Variants in OSBPL10 observed in about 807,000 individuals in gnomAD.
The protein encoded by OSBPL10 is oxysterol binding protein like 10, also known as oxysterol-binding protein-related protein 10.
In OSBPL10, 49 loss-of-function variants were observed where a neutral mutation model predicts 81.7. The ratio of observed to expected loss-of-function variants is 0.60; its 90% confidence interval spans 0.48 to 0.76. The LOEUF (loss-of-function observed/expected upper bound fraction) is 0.76, where lower values mean the gene tolerates loss of function less well. Among genes scored for constraint, OSBPL10 ranks in the 30% least tolerant of loss-of-function variants. OSBPL10 has a pLI of 0.00. For synonymous variants in OSBPL10, 419 were observed against 383.6 expected (o/e 1.09, Z -1.08); for missense variants, 923 against 987.8 (o/e 0.93, Z 0.88).
At chr3:32,022,444 G>T (rs1000649967) in intron 2 of OSBPL10, among the ~76,000 whole-genome samples, 2 of 152,138 alleles carry the variant, frequency 1.3e-5, no homozygotes, top group Admixed American at 6.5e-5. Context: ...CTAAAAAGGT[G>T]GGACATCTTG....
At chr3:31,842,902 T>C (rs948323571) in intron 3 of OSBPL10, among the ~76,000 whole-genome samples, 7 of 152,252 alleles carry the variant, frequency 4.6e-5, no homozygotes, top group African/African-American at 1.4e-4. Flanking sequence ...CGTTCCATAA[T>C]AGAACGCTAT....
At chr3:32,024,699 G>T (rs757946974) in intron 2 of OSBPL10, among the ~76,000 whole-genome samples, 24 of 151,872 alleles carry the variant, frequency 1.6e-4, no homozygotes, top group Non-Finnish European at 2.1e-4. Context: ...TGGCCAGGCT[G>T]GTCTAGAACT....
At chr3:31,800,721 A>G (rs1389817130) in intron 4 of OSBPL10, among the ~76,000 whole-genome samples, 2 of 151,072 alleles carry the variant, frequency 1.3e-5, no homozygotes, top group Non-Finnish European at 2.9e-5. Context: ...GAAATTCAAT[A>G]TGCTATAAAA....
chr3:31,691,778 G>A (rs1559418207), intron 7 of OSBPL10, among the ~76,000 whole-genome samples: 3 of 152,056 alleles, frequency 2.0e-5, no homozygotes, highest in South Asian at 2.1e-4. Context: ...AGCCATCTTC[G>A]TATTTTATCC....
At chr3:32,003,158 C>T (rs772891655) in intron 2 of OSBPL10, among the ~76,000 whole-genome samples, 38 of 152,194 alleles carry the variant, frequency 2.5e-4, no homozygotes, top group Non-Finnish European at 4.0e-4. Context: ...GAAGGCAAAT[C>T]AACGGAATGT....
At position 31,661,896 on chromosome 3, in the gene OSBPL10, T is replaced by C. The variant is rs1397161151; in HGVS notation, c.*176A>G. 2 of 898,336 alleles carry C rather than the reference T, an allele frequency of 2.2e-6. No individual in the cohort carries two copies. Among genetic ancestry groups the C allele is most frequent in the Non-Finnish European group, 3.3e-6 (2 of 610,362 alleles). The allele number at this position is 898,336 out of a possible 1,614,324, so 55.6% of individuals were successfully genotyped here. ...CCCGAATGGCTCTTGAATAAATTCATTCCTCTAGCAGAGTGTGGGGGTGCA... is the reference window on the plus strand; with the variant it reads ...CCCGAATGGCTCTTGAATAAATTCACTCCTCTAGCAGAGTGTGGGGGTGCA... On this transcript the variant is annotated 3_prime_UTR_variant, in exon 12 of 12. Coordinates refer to ENST00000396556, the MANE Select transcript of OSBPL10 (RefSeq NM_017784.5).
chr3:31,732,312 C>T (rs1379127173), intron 6 of OSBPL10, among the ~76,000 whole-genome samples: 1 of 152,188 alleles, frequency 6.6e-6, no homozygotes, highest in African/African-American at 2.4e-5. Flanking sequence ...TACTACATCA[C>T]TGTCCGAGAA....
At chr3:31,697,086 T>A (rs887846381) in intron 7 of OSBPL10, among the ~76,000 whole-genome samples, 2 of 151,696 alleles carry the variant, frequency 1.3e-5, no homozygotes, top group Non-Finnish European at 2.9e-5. Flanking sequence ...ATCTGTGACT[T>A]ACTTTAATCA....
chr3:32,045,096 G>T (rs1699610131), intron 2 of OSBPL10, among the ~76,000 whole-genome samples: 1 of 152,208 alleles, frequency 6.6e-6, no homozygotes, highest in African/African-American at 2.4e-5. Flanking sequence ...TTTCAAAATA[G>T]AAGAGGCCTT....
intron 4 of OSBPL10, among the ~76,000 whole-genome samples, chr3:31,809,859 C>A (rs1361909321): frequency 7.3e-6 from 1 of 136,744 alleles, no homozygotes; most frequent in African/African-American, 3.3e-5. Flanking sequence ...TCAATGGGTG[C>A]CCCCTGACTC....
chr3:32,068,325 C>A (rs1262979026), intron 1 of OSBPL10, among the ~76,000 whole-genome samples: 1 of 152,072 alleles, frequency 6.6e-6, no homozygotes, highest in Non-Finnish European at 1.5e-5. Context: ...CTGCCTTGGT[C>A]ATTCACCCAC....
At chr3:31,793,795 C>T (rs1256568178) in intron 4 of OSBPL10, among the ~76,000 whole-genome samples, 1 of 152,188 alleles carries the variant, frequency 6.6e-6, no homozygotes, top group Non-Finnish European at 1.5e-5. Context: ...TTTAGATATA[C>T]AGTTGGCCCT....
At chr3:32,003,613 G>T (rs1291343147) in intron 2 of OSBPL10, among the ~76,000 whole-genome samples, 1 of 152,308 alleles carries the variant, frequency 6.6e-6, no homozygotes, top group Admixed American at 6.5e-5. Flanking sequence ...TCCTGGGAGG[G>T]AACAGACTGC....
At chr3:31,844,670 G>C (rs934208009) in intron 3 of OSBPL10, among the ~76,000 whole-genome samples, 2 of 152,224 alleles carry the variant, frequency 1.3e-5, no homozygotes, top group African/African-American at 4.8e-5. Context: ...ACTGCAAATG[G>C]GCACAGGGTT....
intron 1 of OSBPL10, among the ~76,000 whole-genome samples, chr3:31,883,542 G>T (rs28560248): frequency 9.4e-5 from 13 of 138,900 alleles, no homozygotes; most frequent in South Asian, 4.6e-4. Context: ...TTTTTTTGTT[G>T]TTTTTTTTTT....
At chr3:31,801,552 G>A (rs1172974142) in intron 4 of OSBPL10, among the ~76,000 whole-genome samples, 1 of 152,126 alleles carries the variant, frequency 6.6e-6, no homozygotes, top group Non-Finnish European at 1.5e-5. Flanking sequence ...CCCACAGCAG[G>A]CCCAGGCCCC....
intron 4 of OSBPL10, among the ~76,000 whole-genome samples, chr3:31,812,826 AAGAAAGAAAGAAAGAAAGAACGAACTT>A (rs1559476586): frequency 6.7e-5 from 9 of 135,254 alleles, no homozygotes; most frequent in East Asian, 5.0e-4. Flanking sequence ...AAGAGAAAGA[AAGAAAGAAAGAAAGAAAGAACGAACTT>A]CTCCAATAAC....
intron 1 of OSBPL10, among the ~76,000 whole-genome samples, chr3:31,959,175 C>T (rs760712917): frequency 2.0e-5 from 3 of 152,150 alleles, no homozygotes; most frequent in Admixed American, 6.5e-5. Flanking sequence ...AGAAATGCTA[C>T]GAGATATCGG....
intron 1 of OSBPL10, among the ~76,000 whole-genome samples, chr3:31,888,823 C>G (rs922384070): frequency 1.3e-5 from 2 of 152,082 alleles, no homozygotes; most frequent in African/African-American, 4.8e-5. Flanking sequence ...ACTTGGGAAG[C>G]TGAGGCAGGA....
Sources: allele counts gnomAD v4.1 joint callset (sites outside exome capture counted in the v4.1 genomes callset), GRCh38; gene constraint gnomAD v4.1.1; transcripts MANE v1.5; gene names NCBI Gene and HGNC (gene_info 2026-07-23, HGNC 2026-07-21).